The following NCAM2 variants were observed in gnomAD, a reference collection of about 807,000 sequenced individuals.
The protein encoded by NCAM2 is neural cell adhesion molecule 2, also known as N-CAM-2.
NCAM2 carries 30 observed loss-of-function variants against 98.1 expected under a neutral mutation model. The observed-to-expected ratio is 0.31, with a 90% CI of 0.23 to 0.41. NCAM2 has a LOEUF of 0.41. NCAM2 is among the 10% of genes least tolerant of loss of function. NCAM2 has a pLI of 1.00. For synonymous variants in NCAM2, 368 were observed against 342.4 expected (o/e 1.07, Z -0.83); for missense variants, 867 against 1,005.8 (o/e 0.86, Z 1.87).
At chr21:21,464,332 G>A (rs2146204383) in intron 12 of NCAM2, among the ~76,000 whole-genome samples, 1 of 152,166 alleles carries the variant, frequency 6.6e-6, no homozygotes, top group African/African-American at 2.4e-5. Context: ...TTATAGCACA[G>A]TCTGTGTTCT....
In NCAM2 at chr21:21,133,657, G is replaced by T. The variant is rs557813164; in HGVS notation, c.55+135039G>T. 2.0e-5 allele frequency among the ~76,000 whole-genome samples: 3 copies of T among 152,270 alleles called. No homozygotes were observed. The East Asian group carries it at 5.8e-4, about 29-fold the overall frequency. On this transcript the variant is annotated intron_variant, in intron 1 of 17. Coordinates refer to ENST00000400546, the MANE Select transcript of NCAM2 (RefSeq NM_004540.5). Reference sequence around the variant, plus strand: ...TCCATGATGGAGTCAATCCAAAAAAGATCTCATAGAATTATTCTCAAAGTG... The same window carrying T: ...TCCATGATGGAGTCAATCCAAAAAATATCTCATAGAATTATTCTCAAAGTG...
intron 6 of NCAM2, among the ~76,000 whole-genome samples, chr21:21,326,716 T>G (rs1293857760): frequency 1.3e-5 from 2 of 152,168 alleles, no homozygotes; most frequent in African/African-American, 2.4e-5. Flanking sequence ...TGGTATTAGT[T>G]TCATCCTTTG....
intron 1 of NCAM2, among the ~76,000 whole-genome samples, chr21:21,220,623 A>T (rs1338876799): frequency 1.3e-5 from 2 of 152,050 alleles, no homozygotes; most frequent in Non-Finnish European, 2.9e-5. Flanking sequence ...CTCTTATTTC[A>T]TCCCTTTCAT....
At chr21:21,108,854 T>C (rs2066399848) in intron 1 of NCAM2, among the ~76,000 whole-genome samples, 1 of 152,172 alleles carries the variant, frequency 6.6e-6, no homozygotes, top group African/African-American at 2.4e-5. Context: ...AGTATTTGTT[T>C]ATAAGTCAGA....
chr21:21,084,992 A>G (rs1473904012), intron 1 of NCAM2, among the ~76,000 whole-genome samples: 1 of 152,098 alleles, frequency 6.6e-6, no homozygotes, highest in African/African-American at 2.4e-5. Context: ...AAACCGATGC[A>G]CCCTTCCTTC....
intron 1 of NCAM2, among the ~76,000 whole-genome samples, chr21:21,001,971 C>T (rs1344840212): frequency 6.6e-6 from 1 of 152,130 alleles, no homozygotes; most frequent in African/African-American, 2.4e-5. Flanking sequence ...GAGAGCTCCA[C>T]AAACTCATCT....
chr21:21,122,907 C>T (rs1432174689), intron 1 of NCAM2, among the ~76,000 whole-genome samples: 2 of 152,224 alleles, frequency 1.3e-5, no homozygotes, highest in African/African-American at 2.4e-5. Context: ...ATTGCAGTCT[C>T]GTGTACACTT....
intron 10 of NCAM2, among the ~76,000 whole-genome samples, chr21:21,415,178 C>G (rs1216316217): frequency 6.6e-6 from 1 of 151,980 alleles, no homozygotes; most frequent in Non-Finnish European, 1.5e-5. Flanking sequence ...ACAAGAGATT[C>G]AACAGGTCCT....
chr21:21,034,880 A>G (rs2064766232), intron 1 of NCAM2, among the ~76,000 whole-genome samples: 1 of 152,138 alleles, frequency 6.6e-6, no homozygotes, highest in South Asian at 2.1e-4. Flanking sequence ...GTGATTTACC[A>G]TATAGGGTTT....
At chr21:21,194,861 C>T (rs1347360332) in intron 1 of NCAM2, among the ~76,000 whole-genome samples, 5 of 152,128 alleles carry the variant, frequency 3.3e-5, no homozygotes, top group African/African-American at 1.2e-4. Flanking sequence ...TCCTGAACTT[C>T]TTCATCTTTT....
intron 1 of NCAM2, among the ~76,000 whole-genome samples, chr21:21,160,999 G>A (rs1413457986): frequency 4.6e-5 from 7 of 151,964 alleles, no homozygotes; most frequent in Non-Finnish European, 8.8e-5. Context: ...ACTCCATACT[G>A]TAACAAAGAA....
chr21:21,453,002 A>G (rs1195764970), intron 12 of NCAM2, among the ~76,000 whole-genome samples: 2 of 105,094 alleles, frequency 1.9e-5, no homozygotes, highest in African/African-American at 3.9e-5. Flanking sequence ...ATTATATAAT[A>G]TATAATATAT....
chr21:21,323,657 A>C (rs1051864008), intron 5 of NCAM2, among the ~76,000 whole-genome samples: 1 of 152,186 alleles, frequency 6.6e-6, no homozygotes, highest in African/African-American at 2.4e-5. Context: ...TAACAGTTTC[A>C]ACATGTTCCA....
At chr21:21,013,690 A>G (rs1281915567) in intron 1 of NCAM2, among the ~76,000 whole-genome samples, 3 of 152,190 alleles carry the variant, frequency 2.0e-5, no homozygotes, top group Non-Finnish European at 4.4e-5. Flanking sequence ...CTGAGGCAGG[A>G]GAATTGCTTG....
intron 1 of NCAM2, among the ~76,000 whole-genome samples, chr21:21,235,681 A>G (rs910923175): frequency 6.6e-6 from 1 of 152,084 alleles, no homozygotes; most frequent in African/African-American, 2.4e-5. Context: ...ACTGAAATGC[A>G]TAGAAGCTGT....
At chr21:21,516,235 T>C (rs1988705640) in intron 16 of NCAM2, among the ~76,000 whole-genome samples, 1 of 152,158 alleles carries the variant, frequency 6.6e-6, no homozygotes, top group South Asian at 2.1e-4. Flanking sequence ...AGGTCTACAG[T>C]CTCTGAGAAA....
chr21:21,183,928 A>T (rs554041140), intron 1 of NCAM2, among the ~76,000 whole-genome samples: 7 of 152,126 alleles, frequency 4.6e-5, no homozygotes, highest in South Asian at 2.1e-4. Context: ...CTAGCAGTTG[A>T]TACATGTAAA....
At chr21:21,247,486 G>C (rs1436038325) in intron 1 of NCAM2, among the ~76,000 whole-genome samples, 1 of 152,056 alleles carries the variant, frequency 6.6e-6, no homozygotes. Context: ...ATTATGCTTT[G>C]GGTGAATGAA....
chr21:21,436,526 T>C (rs1199419392), intron 12 of NCAM2, among the ~76,000 whole-genome samples: 4 of 152,174 alleles, frequency 2.6e-5, no homozygotes, highest in Non-Finnish European at 5.9e-5. Context: ...GGTACTTCTC[T>C]TACATTATAA....
Sources: gnomAD v4.1 joint callset for allele counts (sites outside exome capture counted in the v4.1 genomes callset) on GRCh38, gnomAD v4.1.1 for gene constraint, MANE v1.5 for transcripts, NCBI Gene and HGNC (gene_info 2026-07-23, HGNC 2026-07-21) for gene names.